Variants in IGF1R observed in about 807,000 individuals in gnomAD.
The protein encoded by IGF1R is insulin like growth factor 1 receptor.
Under a neutral mutation model 144.6 loss-of-function variants are expected in IGF1R, and 44 were observed. The observed-to-expected ratio is 0.30, with a 90% CI of 0.24 to 0.39. The LOEUF is 0.39. IGF1R is among the 10% of genes least tolerant of loss of function. The pLI is 1.00. For missense variants in IGF1R, 1,355 were observed against 1,833.7 expected (o/e 0.74, Z 4.77); for synonymous variants, 795 against 722.8 (o/e 1.10, Z -1.60).
At chr15:98,862,617 T>C (rs574125859) in intron 2 of IGF1R, among the ~76,000 whole-genome samples, 2 of 152,366 alleles carry the variant, frequency 1.3e-5, no homozygotes, top group East Asian at 3.9e-4. Flanking sequence ...GCACGGCTTT[T>C]AGTAACTCTG....
intron 1 of IGF1R, among the ~76,000 whole-genome samples, chr15:98,703,762 C>A (rs1311765563): frequency 1.3e-5 from 2 of 152,198 alleles, no homozygotes; most frequent in Non-Finnish European, 2.9e-5. Context: ...CAGATTCTTT[C>A]CTCCTGTCTG....
chr15:98,785,574 C>G (rs1475900764), intron 2 of IGF1R, among the ~76,000 whole-genome samples: 1 of 152,132 alleles, frequency 6.6e-6, no homozygotes, highest in East Asian at 1.9e-4. Flanking sequence ...GTTCAGAGGA[C>G]TTTAGCCCCA....
At chr15:98,677,389 A>G (rs2053075239) in intron 1 of IGF1R, among the ~76,000 whole-genome samples, 1 of 152,156 alleles carries the variant, frequency 6.6e-6, no homozygotes, top group African/African-American at 2.4e-5. Context: ...GCCGAGAATC[A>G]TTGATGACAA....
At chr15:98,776,446 A>G (rs2055718524) in intron 2 of IGF1R, among the ~76,000 whole-genome samples, 1 of 152,204 alleles carries the variant, frequency 6.6e-6, no homozygotes, top group Non-Finnish European at 1.5e-5. Context: ...TTGGCCTCCC[A>G]AAGTGCTGGG....
intron 5 of IGF1R, among the ~76,000 whole-genome samples, chr15:98,903,767 C>T (rs905040407): frequency 1.3e-5 from 2 of 152,164 alleles, no homozygotes; most frequent in African/African-American, 4.8e-5. Flanking sequence ...AAGTATGACA[C>T]GTGTTACAAC....
chr15:98,855,961 C>T (rs1481203646), intron 2 of IGF1R, among the ~76,000 whole-genome samples: 1 of 152,208 alleles, frequency 6.6e-6, no homozygotes, highest in East Asian at 1.9e-4. Context: ...AGCAGAGTGG[C>T]CGTAGAGGCT....
At chr15:98,948,892 C>T (rs745713291) in intron 20 of IGF1R, among the ~76,000 whole-genome samples, 184 bp downstream of exon 20, 4 of 152,202 alleles carry the variant, frequency 2.6e-5, no homozygotes, top group East Asian at 1.9e-4. Context: ...TGTGCTTTTC[C>T]GTGGGTACCT....
Position 98,935,473 on chromosome 15 carries a change from C to T in IGF1R, c.3297+47C>T, listed in dbSNP as rs1403633464. Reference sequence around the variant, plus strand: ...TATTGCATGTTGCCTGGCCTGCTCTCTTTTCCTTTATAATCTCCCTGCAAG... The same window carrying T: ...TATTGCATGTTGCCTGGCCTGCTCTTTTTTCCTTTATAATCTCCCTGCAAG... On this transcript the variant is annotated intron_variant, in intron 17 of 20. Coordinates refer to ENST00000650285, the MANE Select transcript of IGF1R (RefSeq NM_000875.5). The surrounding 1 kb of genome is among the most constrained non-coding windows in gnomAD (Gnocchi z 4.2). 4.6e-6 allele frequency: 5 copies of T among 1,084,108 alleles called. No individual in the cohort carries two copies. Among genetic ancestry groups the T allele is most frequent in the African/African-American group, 1.6e-5 (1 of 64,032 alleles). The allele number at this position is 1,084,108 out of a possible 1,614,324, so 67.2% of individuals were successfully genotyped here. A position where few individuals can be genotyped will look rare whatever the true frequency, so the allele number is the denominator to read the frequency against.
At position 98,649,515 on chromosome 15, in the gene IGF1R, CTTTTCTTTTCTTTTT is replaced by C. The variant is rs1328558249; in HGVS notation, c.-62_-48del. On this transcript the variant is annotated 5_prime_UTR_variant, in exon 1 of 21. Transcript: ENST00000650285. ...TTGTTTCCTTTCATTTCCTTTTTTT[CTTTTCTTTTCTTTTT>C]TTTTTTTTTTTTTTTTTTTGAGAAA... 1 of 956,634 alleles carries C rather than the reference CTTTTCTTTTCTTTTT, an allele frequency of 1.0e-6. No individual in the cohort carries two copies. The highest frequency in any genetic ancestry group is 2.2e-5 in the African/African-American group (1 of 45,630). 59.3% of individuals were successfully genotyped at this position (956,634 alleles called of 1,614,324 possible). A position where few individuals can be genotyped will look rare whatever the true frequency, so the allele number is the denominator to read the frequency against.
chr15:98,733,319 C>G (rs554716269), intron 2 of IGF1R, among the ~76,000 whole-genome samples: 1 of 152,158 alleles, frequency 6.6e-6, no homozygotes, highest in South Asian at 2.1e-4. Context: ...CCTCTGGGCT[C>G]AAGTGATCCT....
chr15:98,748,733 A>G (rs2054931087), intron 2 of IGF1R, among the ~76,000 whole-genome samples: 1 of 152,190 alleles, frequency 6.6e-6, no homozygotes, highest in Admixed American at 6.5e-5. Flanking sequence ...ACTTTTTGCC[A>G]TGTAAGTAGT....
chr15:98,942,445 C>T (rs539843920), intron 18 of IGF1R, among the ~76,000 whole-genome samples: 3 of 152,236 alleles, frequency 2.0e-5, no homozygotes, highest in African/African-American at 7.2e-5. Flanking sequence ...GTGATTCTTC[C>T]ACCTTAGCCT....
intron 2 of IGF1R, chr15:98,734,868 A>C (rs1035925900): frequency 6.6e-6 from 1 of 152,188 alleles, no homozygotes; most frequent in African/African-American, 2.4e-5. Flanking sequence ...TTTCCCTTCT[A>C]TGCCAAGACG....
chr15:98,802,550 G>C lies in IGF1R; in HGVS notation c.641-88775G>C, dbSNP rs557300027. ...GCCAACAGCAATTTTGTGGAACAAA[G>C]TGTGTACAGGATTTGAACTTAACTC... is the stretch of plus-strand genomic sequence containing the variant. On this transcript the variant is annotated intron_variant, in intron 2 of 20. Coordinates refer to ENST00000650285, the MANE Select transcript of IGF1R (RefSeq NM_000875.5). Among the ~76,000 whole-genome samples the C allele has an allele frequency of 4.6e-5, 7 of 152,368 alleles. No individual in the cohort carries two copies. In the South Asian group the frequency reaches 1.4e-3, roughly 32 times the overall value.
intron 2 of IGF1R, among the ~76,000 whole-genome samples, chr15:98,742,501 AGT>A (rs2054769710): frequency 6.6e-6 from 1 of 152,148 alleles, no homozygotes; most frequent in African/African-American, 2.4e-5. Context: ...ACACAGTGGC[AGT>A]GTTTGTAACA....
In IGF1R at chr15:98,948,248, A is replaced by G. The variant is rs45624234; in HGVS notation, c.3588-326A>G. ...CCGCCTTGCCAGATAAATGGCCGGG[A>G]CTAGGTAGATGCTGAACCCAGTATG... On this transcript the variant is annotated intron_variant, in intron 19 of 20. Coordinates refer to ENST00000650285, the MANE Select transcript of IGF1R (RefSeq NM_000875.5). Among the ~76,000 whole-genome samples, 774 of 152,266 alleles carry G rather than the reference A, an allele frequency of 5.1e-3. 5 individuals are homozygous for G. The highest frequency in any genetic ancestry group is 0.017 in the African/African-American group (725 of 41,544).
At chr15:98,734,026 TCGTAGGACCCTCAGATGCTGAC>T (rs1167258447) in intron 2 of IGF1R, among the ~76,000 whole-genome samples, 1 of 152,196 alleles carries the variant, frequency 6.6e-6, no homozygotes, top group South Asian at 2.1e-4. Flanking sequence ...TTAGCCTGCC[TCGTAGGACCCTCAGATGCTGAC>T]CGTATCTGCT....
At chr15:98,682,142 G>T (rs1002467732) in intron 1 of IGF1R, among the ~76,000 whole-genome samples, 4 of 152,162 alleles carry the variant, frequency 2.6e-5, no homozygotes, top group Non-Finnish European at 5.9e-5. Flanking sequence ...CCATTATTTG[G>T]TCACAGGAAG....
chr15:98,922,052 T>A, intron 10 of IGF1R, 96 bp from the exon 11 acceptor site: 1 of 1,382,814 alleles, frequency 7.2e-7, no homozygotes, highest in East Asian at 2.3e-5. Context: ...CTCCTTCTAT[T>A]CCACGGTTAA....
Sources: allele counts gnomAD v4.1 joint callset (sites outside exome capture counted in the v4.1 genomes callset), GRCh38; gene constraint gnomAD v4.1.1; non-coding constraint Gnocchi (gnomAD v3.1); transcripts MANE v1.5; gene names NCBI Gene and HGNC (gene_info 2026-07-23, HGNC 2026-07-21).